The following CTNND2 variants were observed in gnomAD, a reference collection of about 807,000 sequenced individuals.
CTNND2 encodes the protein catenin delta-2.
A neutral mutation model predicts 144.4 loss-of-function variants in CTNND2; 22 were observed. That is an observed-to-expected ratio of 0.15 (90% CI 0.11 to 0.22). CTNND2 has a LOEUF of 0.22. Among genes scored for constraint, CTNND2 ranks in the 10% least tolerant of loss-of-function variants. The pLI, the probability that CTNND2 is intolerant of heterozygous loss-of-function variation, is 1.00. For missense variants in CTNND2, 1,353 were observed against 1,618.8 expected (o/e 0.84, Z 2.82); for synonymous variants, 751 against 695.6 (o/e 1.08, Z -1.25).
chr5:11,734,309 C>G (rs1449629464), intron 1 of CTNND2, among the ~76,000 whole-genome samples: 2 of 152,112 alleles, frequency 1.3e-5, no homozygotes, highest in Non-Finnish European at 2.9e-5. Context: ...TGACTATGTT[C>G]CCCAACAAAT....
At chr5:11,467,325 G>A (rs1036121951) in intron 3 of CTNND2, among the ~76,000 whole-genome samples, 6 of 152,186 alleles carry the variant, frequency 3.9e-5, no homozygotes, top group Middle Eastern at 3.2e-3. Context: ...GTTTCTGCTC[G>A]TCCTGGTTGT....
At chr5:11,313,306 C>T (rs1561202245) in intron 9 of CTNND2, among the ~76,000 whole-genome samples, 1 of 152,154 alleles carries the variant, frequency 6.6e-6, no homozygotes, top group Non-Finnish European at 1.5e-5. Context: ...GTGCAGGCTC[C>T]CCAGCCTCAG....
chr5:11,089,840 T>A (rs1463053718), intron 15 of CTNND2, among the ~76,000 whole-genome samples: 1 of 152,114 alleles, frequency 6.6e-6, no homozygotes, highest in Non-Finnish European at 1.5e-5. Flanking sequence ...TGAAACTCCA[T>A]CTCTACTAAA....
At chr5:11,523,404 G>A (rs32434) in intron 3 of CTNND2, among the ~76,000 whole-genome samples, 90,989 of 151,984 alleles carry the variant, frequency 0.6, 28,250 homozygotes, top group African/African-American at 0.75. Context: ...GCACACTTGC[G>A]TAACCATCGA....
At chr5:11,577,070 C>T (rs551534261) in intron 2 of CTNND2, among the ~76,000 whole-genome samples, 18 of 152,274 alleles carry the variant, frequency 1.2e-4, no homozygotes, top group South Asian at 4.1e-4. Context: ...TTGAGTCTTT[C>T]GCACTTTGCC....
intron 1 of CTNND2, among the ~76,000 whole-genome samples, chr5:11,809,043 C>T (rs1281510856): frequency 6.6e-6 from 1 of 152,104 alleles, no homozygotes; most frequent in Non-Finnish European, 1.5e-5. Flanking sequence ...GGATATAATT[C>T]CTTGGTAATG....
intron 3 of CTNND2, among the ~76,000 whole-genome samples, chr5:11,517,668 C>T (rs978786045): frequency 2.0e-5 from 3 of 151,698 alleles, no homozygotes; most frequent in South Asian, 2.1e-4. Context: ...AAATACATAA[C>T]GCATGCAGGG....
intron 2 of CTNND2, among the ~76,000 whole-genome samples, chr5:11,575,259 A>G (rs1777889994): frequency 6.6e-6 from 1 of 152,182 alleles, no homozygotes; most frequent in South Asian, 2.1e-4. Context: ...TCAGTACATG[A>G]GGAATAGATG....
intron 12 of CTNND2, among the ~76,000 whole-genome samples, chr5:11,119,279 C>T (rs1753849840): frequency 1.3e-5 from 2 of 152,134 alleles, no homozygotes; most frequent in Non-Finnish European, 1.5e-5. Context: ...CTAAAAAGTT[C>T]CACAGACGTG....
In CTNND2 at chr5:11,169,663, G is replaced by T. The variant is rs557511798; in HGVS notation, c.1976-9904C>A. Among the ~76,000 whole-genome samples the T allele has an allele frequency of 1.5e-3, 233 of 152,266 alleles. 2 individuals carry two copies. The highest frequency in any genetic ancestry group is 5.4e-3 in the African/African-American group (226 of 41,554). On this transcript the variant is annotated intron_variant, in intron 11 of 21. Transcript: ENST00000304623. ...TCTTACAAAGATAGAGACGGCTATT[G>T]CCTTGGGGTTTCTTTTTTTATAATA...
intron 3 of CTNND2, among the ~76,000 whole-genome samples, chr5:11,510,849 T>A (rs1771570522): frequency 6.6e-6 from 1 of 151,886 alleles, no homozygotes; most frequent in African/African-American, 2.4e-5. Flanking sequence ...AAGTATTGCT[T>A]GAACCCAAGA....
chr5:11,294,582 A>G (rs1274896009), intron 9 of CTNND2, among the ~76,000 whole-genome samples: 2 of 152,230 alleles, frequency 1.3e-5, no homozygotes, highest in Non-Finnish European at 2.9e-5. Flanking sequence ...TGACAGTTTC[A>G]ATAAAATACT....
chr5:11,585,808 T>C (rs1046705234), intron 2 of CTNND2, among the ~76,000 whole-genome samples: 1 of 151,790 alleles, frequency 6.6e-6, no homozygotes, highest in Non-Finnish European at 1.5e-5. Flanking sequence ...TGGGGAAGAA[T>C]GAGGAGGTGA....
intron 9 of CTNND2, among the ~76,000 whole-genome samples, chr5:11,262,990 G>A (rs929649849): frequency 2.0e-5 from 3 of 151,928 alleles, no homozygotes; most frequent in Non-Finnish European, 2.9e-5. Flanking sequence ...ACGAATTTCC[G>A]ATGGCTCTCA....
intron 1 of CTNND2, among the ~76,000 whole-genome samples, chr5:11,896,369 T>C (rs1334764516): frequency 6.6e-6 from 1 of 152,194 alleles, no homozygotes; most frequent in Non-Finnish European, 1.5e-5. Context: ...CTTGCAACCA[T>C]GCATGAATTT....
At chr5:11,873,685 G>C (rs900951517) in intron 1 of CTNND2, among the ~76,000 whole-genome samples, 1 of 152,214 alleles carries the variant, frequency 6.6e-6, no homozygotes, top group African/African-American at 2.4e-5. Context: ...CCTTGGGCTA[G>C]ATACCAAAGC....
rs184197380 is a variant in CTNND2, at chr5:11,446,632, G to A, written c.288-34563C>T. Among the ~76,000 whole-genome samples, 1,317 of 152,278 alleles carry A rather than the reference G, an allele frequency of 8.6e-3. 15 individuals are homozygous for A. Among genetic ancestry groups the A allele is most frequent in the Non-Finnish European group, 0.011 (773 of 68,022 alleles). On this transcript the variant is annotated intron_variant, in intron 3 of 21. Coordinates refer to ENST00000304623, the MANE Select transcript of CTNND2 (RefSeq NM_001332.4). ...GATAGGTTGCCTGCATGCTGCCTGA[G>A]GGCCTGAAGGAGAAGTGTCTGTGCT...
Position 11,092,486 on chromosome 5 carries a change from G to T in CTNND2, c.2637+6089C>A, listed in dbSNP as rs186343109. Among the ~76,000 whole-genome samples, 138 of 152,298 alleles carry T rather than the reference G, an allele frequency of 9.1e-4. 1 individual carries two copies. The highest frequency in any genetic ancestry group is 3.2e-3 in the African/African-American group (133 of 41,576). On this transcript the variant is annotated intron_variant, in intron 15 of 21. Transcript: ENST00000304623. ...CTTTGCTATCCGTGCTGCTTCCCGG[G>T]TCTTGCAGGGAAGAAATCACTGAGT...
Position 11,764,350 on chromosome 5 carries a change from T to G in CTNND2, c.38-32078A>C, listed in dbSNP as rs565213777. On this transcript the variant is annotated intron_variant, in intron 1 of 21. Coordinates refer to ENST00000304623, the MANE Select transcript of CTNND2 (RefSeq NM_001332.4). ...GAAGTAGAAAGTAACAAATTTATAT[T>G]GTTTTAAGTCACCACATTTGTGACA... Among the ~76,000 whole-genome samples the G allele has an allele frequency of 2.0e-5, 3 of 152,286 alleles. No homozygotes were observed. In the South Asian group the frequency reaches 6.2e-4, roughly 32 times the overall value.
Sources: gnomAD v4.1 joint callset for allele counts (sites outside exome capture counted in the v4.1 genomes callset) on GRCh38, gnomAD v4.1.1 for gene constraint, MANE v1.5 for transcripts, NCBI Gene and HGNC (gene_info 2026-07-23, HGNC 2026-07-21) for gene names.